The following TRMT11 variants were observed in gnomAD, a reference collection of about 807,000 sequenced individuals.
The protein encoded by TRMT11 is tRNA (guanine(10)-N(2))-methyltransferase TRMT11.
In TRMT11, 53 loss-of-function variants were observed where a neutral mutation model predicts 62.8. The observed-to-expected ratio is 0.84, with a 90% CI of 0.68 to 1.06. The LOEUF is 1.06. TRMT11 is among the 50% of genes least tolerant of loss of function. The probability of loss-of-function intolerance (pLI) is 0.00; values close to 1 mark genes in which losing one functional copy is unlikely to be tolerated. For missense variants in TRMT11, 556 were observed against 553.4 expected, an observed-to-expected ratio of 1.00 and a Z score of -0.05; for synonymous variants, 188 against 190.3, an observed-to-expected ratio of 0.99 and a Z score of 0.10.
the TRMT11 span, among the ~76,000 whole-genome samples, chr6:126,232,462 A>G: frequency 6.6e-6 from 1 of 152,050 alleles, no homozygotes; most frequent in Non-Finnish European, 1.5e-5. Flanking sequence ...ACTCAGGTAT[A>G]TATGCTAAAT....
chr6:126,019,356 A>G (rs1795472146), intron 11 of TRMT11, among the ~76,000 whole-genome samples: 1 of 152,232 alleles, frequency 6.6e-6, no homozygotes, highest in Admixed American at 6.5e-5. Flanking sequence ...AACCAAATGC[A>G]GCAACTTAGT....
chr6:126,240,213 A>G, the TRMT11 span, among the ~76,000 whole-genome samples: 1 of 152,184 alleles, frequency 6.6e-6, no homozygotes, highest in Non-Finnish European at 1.5e-5. Context: ...TCAACTCGTC[A>G]AAGTCATTCT....
chr6:126,174,323 C>G (rs1778361805), upstream of TRMT11, among the ~76,000 whole-genome samples: 1 of 152,186 alleles, frequency 6.6e-6, no homozygotes, highest in Non-Finnish European at 1.5e-5. Flanking sequence ...ACAGTCTTTG[C>G]TGGTTAAATG....
In TRMT11 at chr6:126,119,814, A is replaced by C. The variant is rs1403376304; in HGVS notation, c.*1823+3959A>C. On this transcript the variant is annotated intron_variant and NMD_transcript_variant, in intron 21 of 22. Coordinates refer to the TRMT11 transcript ENST00000648977. Reference sequence around the variant, plus strand: ...GAACTTACATATATTTAGAACCAAAAATTTCAATTGCAGGACTCTATCCTA... The same window carrying C: ...GAACTTACATATATTTAGAACCAAACATTTCAATTGCAGGACTCTATCCTA... Among the ~76,000 whole-genome samples, 5 of 152,266 alleles carry C rather than the reference A, an allele frequency of 3.3e-5. No individual in the cohort carries two copies. In the East Asian group the frequency reaches 9.7e-4, roughly 29 times the overall value.
chr6:126,164,060 G>A (rs1401909674), intron 21 of TRMT11, among the ~76,000 whole-genome samples: 1 of 152,142 alleles, frequency 6.6e-6, no homozygotes, highest in Non-Finnish European at 1.5e-5. Context: ...TTTTAATTGT[G>A]ATGTTAGGGT....
At chr6:126,238,032 G>A in the TRMT11 span, among the ~76,000 whole-genome samples, 1 of 152,168 alleles carries the variant, frequency 6.6e-6, no homozygotes, top group African/African-American at 2.4e-5. Context: ...ATGGTAGTTT[G>A]TATTTCTGTG....
chr6:126,151,898 TTCTTTTC>T (rs1778056580), intron 21 of TRMT11, among the ~76,000 whole-genome samples: 1 of 53,124 alleles, frequency 1.9e-5, no homozygotes, highest in African/African-American at 1.4e-4. Context: ...GTCTTTTTCT[TTCTTTTC>T]TCTTTCTTTC....
At chr6:126,135,490 A>G (rs1777840098) in intron 21 of TRMT11, among the ~76,000 whole-genome samples, 1 of 151,884 alleles carries the variant, frequency 6.6e-6, no homozygotes, top group South Asian at 2.1e-4. Context: ...TTAAAGCAGT[A>G]GTCTAAATTT....
In TRMT11 at chr6:126,044,951, T is replaced by C. The variant is rs567721153; in HGVS notation, c.*1369+4106T>C. On this transcript the variant is annotated intron_variant and NMD_transcript_variant, in intron 16 of 22. Coordinates refer to the TRMT11 transcript ENST00000648977. ...CTGTAATCCCAGCATTTTGGGAGGC[T>C]GAGGCAGGTGGATCACCTGAGGTCA... Among the ~76,000 whole-genome samples, 227 of 152,190 alleles carry C rather than the reference T, an allele frequency of 1.5e-3. 1 individual carries two copies. Among genetic ancestry groups the C allele is most frequent in the African/African-American group, 5.4e-3 (223 of 41,528 alleles).
intron 17 of TRMT11, among the ~76,000 whole-genome samples, chr6:126,096,182 A>T (rs1777337929): frequency 6.6e-6 from 1 of 152,148 alleles, no homozygotes; most frequent in African/African-American, 2.4e-5. Flanking sequence ...TTTGGGTTTT[A>T]TGTATAGCCT....
chr6:126,069,066 C>A (rs2128137025), intron 17 of TRMT11, among the ~76,000 whole-genome samples: 1 of 152,302 alleles, frequency 6.6e-6, no homozygotes, highest in African/African-American at 2.4e-5. Flanking sequence ...ATTTTGGTTC[C>A]ATGATGACTG....
the TRMT11 span, among the ~76,000 whole-genome samples, chr6:126,267,471 C>A: frequency 2.6e-5 from 4 of 152,268 alleles, no homozygotes; most frequent in African/African-American, 9.6e-5. Flanking sequence ...CAGGTGGAAG[C>A]TATTAGGGCC....
At chr6:126,181,064 A>AT (rs879264714) in intron 1 of TRMT11, among the ~76,000 whole-genome samples, 11 of 151,900 alleles carry the variant, frequency 7.2e-5, no homozygotes, top group South Asian at 2.1e-4. Flanking sequence ...TAGAAAGAGG[A>AT]TTTTTTTTTA....
intron 17 of TRMT11, among the ~76,000 whole-genome samples, chr6:126,062,036 C>T (rs1024679600): frequency 1.3e-5 from 2 of 152,136 alleles, no homozygotes; most frequent in African/African-American, 2.4e-5. Flanking sequence ...CACGCTGCCA[C>T]GCTTGGCTAA....
At chr6:126,123,706 TAAAG>T (rs1017071255) in intron 21 of TRMT11, among the ~76,000 whole-genome samples, 1 of 152,104 alleles carries the variant, frequency 6.6e-6, no homozygotes, top group African/African-American at 2.4e-5. Context: ...ATTAAAAAAA[TAAAG>T]GAAGTATATA....
chr6:126,075,418 T>A (rs1180712782), intron 17 of TRMT11, among the ~76,000 whole-genome samples: 1 of 152,046 alleles, frequency 6.6e-6, no homozygotes, highest in Non-Finnish European at 1.5e-5. Context: ...TCCCCCTTGC[T>A]ATTCTCGTGA....
intron 21 of TRMT11, among the ~76,000 whole-genome samples, chr6:126,160,617 C>CT (rs1050182043): frequency 2.6e-5 from 4 of 152,054 alleles, no homozygotes; most frequent in Admixed American, 1.3e-4. Context: ...AGCATAAGCT[C>CT]TTGCCAGGGG....
intron 3 of TRMT11, among the ~76,000 whole-genome samples, chr6:126,200,908 G>A (rs1778728321): frequency 6.6e-6 from 1 of 152,162 alleles, no homozygotes; most frequent in African/African-American, 2.4e-5. Flanking sequence ...TGATTTCTCT[G>A]ACTAGGAGAA....
At chr6:126,263,589 G>A in the TRMT11 span, among the ~76,000 whole-genome samples, 1 of 152,148 alleles carries the variant, frequency 6.6e-6, no homozygotes, top group Non-Finnish European at 1.5e-5. Context: ...GGCTAATATT[G>A]GACAAAACTT....
Sources: allele counts gnomAD v4.1 joint callset (sites outside exome capture counted in the v4.1 genomes callset), GRCh38; gene constraint gnomAD v4.1.1; transcripts MANE v1.5; gene names NCBI Gene and HGNC (gene_info 2026-07-23, HGNC 2026-07-21).